The following ZFR variants were observed in gnomAD, a reference collection of about 807,000 sequenced individuals.
ZFR encodes the protein zinc finger RNA-binding protein.
Under a neutral mutation model 130.7 loss-of-function variants are expected in ZFR, and 19 were observed. That is an observed-to-expected ratio of 0.15 (90% CI 0.10 to 0.21). The LOEUF is 0.21. ZFR is among the 10% of genes least tolerant of loss of function. The probability of loss-of-function intolerance (pLI) is 1.00; values close to 1 mark genes in which losing one functional copy is unlikely to be tolerated. For synonymous variants in ZFR, 466 were observed against 456.9 expected (o/e 1.02, Z -0.25); for missense variants, 872 against 1,321.5 (o/e 0.66, Z 5.27).
At chr5:32,387,152 G>A (rs966754204) in intron 14 of ZFR, among the ~76,000 whole-genome samples, 4 of 151,648 alleles carry the variant, frequency 2.6e-5, no homozygotes, top group African/African-American at 9.7e-5. Context: ...TTTATTAAAA[G>A]CATTAAACTA....
At chr5:32,441,048 A>G (rs147206819) in intron 2 of ZFR, among the ~76,000 whole-genome samples, 2,157 of 152,252 alleles carry the variant, frequency 0.014, 50 homozygotes, top group African/African-American at 0.048. Context: ...ATCTTGGCTC[A>G]CTGCAACCTC....
chr5:32,384,370 A>T (rs1752992172), intron 15 of ZFR, among the ~76,000 whole-genome samples: 1 of 152,224 alleles, frequency 6.6e-6, no homozygotes, highest in Non-Finnish European at 1.5e-5. Context: ...TATAAATATC[A>T]TCTGATTATG....
intron 11 of ZFR, among the ~76,000 whole-genome samples, chr5:32,391,675 T>C (rs569740161): frequency 4.6e-5 from 7 of 152,274 alleles, no homozygotes; most frequent in Admixed American, 1.3e-4. Context: ...GTTTTACTAA[T>C]GTCATCTGTT....
At chr5:32,414,677 C>A (rs1753779964) in intron 5 of ZFR, among the ~76,000 whole-genome samples, 1 of 152,096 alleles carries the variant, frequency 6.6e-6, no homozygotes. Context: ...AGTAAACAAT[C>A]CTGTAGAAAA....
At position 32,397,252 on chromosome 5, in the gene ZFR, G is replaced by A. The variant is rs1183786115; in HGVS notation, c.1800C>T (p.His600=). 2 of 1,611,826 alleles carry A rather than the reference G, an allele frequency of 1.2e-6. No homozygotes were observed. Among genetic ancestry groups the A allele is most frequent in the Non-Finnish European group, 1.7e-6 (2 of 1,179,050 alleles). The change falls in exon 10 of 20, where the codon CAC becomes CAT. Residue 600 remains histidine, a synonymous_variant. Coordinates refer to ENST00000265069, the MANE Select transcript of ZFR (RefSeq NM_016107.5). ...GAAGTCTGTGTCTTCGCCCTTTTAAGTGCATCTCCTTAGCATTGGGATCAT... is the reference window on the plus strand; with the variant it reads ...GAAGTCTGTGTCTTCGCCCTTTTAAATGCATCTCCTTAGCATTGGGATCAT... The part of the protein sequence containing the change: ...SFNDPNAKEM[H]LKGRRHRLQY...
At chr5:32,404,691 C>T (rs564879067) in intron 6 of ZFR, among the ~76,000 whole-genome samples, 2 of 152,164 alleles carry the variant, frequency 1.3e-5, no homozygotes, top group East Asian at 3.8e-4. Flanking sequence ...TTACATTAGC[C>T]AATAAATAGT....
intron 19 of ZFR, among the ~76,000 whole-genome samples, chr5:32,362,978 G>T (rs113596500): frequency 0.019 from 2,849 of 152,194 alleles, 83 homozygotes; most frequent in African/African-American, 0.066. Context: ...TTCTTCCCTA[G>T]AATATAAAAT....
chr5:32,384,394 G>C (rs563677605), intron 15 of ZFR, among the ~76,000 whole-genome samples: 2 of 152,126 alleles, frequency 1.3e-5, no homozygotes, highest in Non-Finnish European at 2.9e-5. Context: ...TACATGCAAA[G>C]TATGTAAAAT....
intron 17 of ZFR, among the ~76,000 whole-genome samples, chr5:32,376,618 A>G (rs1752816810): frequency 6.8e-6 from 1 of 147,556 alleles, no homozygotes; most frequent in African/African-American, 2.5e-5. Flanking sequence ...AAAAAAAAAG[A>G]AAAAAAAAAG....
At chr5:32,393,643 G>A (rs1753231498) in intron 11 of ZFR, among the ~76,000 whole-genome samples, 1 of 152,130 alleles carries the variant, frequency 6.6e-6, no homozygotes, top group Non-Finnish European at 1.5e-5. Context: ...TGCCCGGCCA[G>A]TTTTAATTTT....
At chr5:32,403,882 G>T (rs775395076) in intron 7 of ZFR, 24 bp downstream of exon 7, 2 of 1,554,054 alleles carry the variant, frequency 1.3e-6, no homozygotes, top group Non-Finnish European at 1.7e-6. Context: ...AAGGCATAAG[G>T]GTGTGTGGGA....
At chr5:32,440,196 C>G (rs983984206) in intron 2 of ZFR, among the ~76,000 whole-genome samples, 2 of 152,192 alleles carry the variant, frequency 1.3e-5, no homozygotes, top group African/African-American at 2.4e-5. Flanking sequence ...ATCTACCTAA[C>G]CAAGTTCCCT....
intron 10 of ZFR, 56 bp downstream of exon 10, chr5:32,397,163 G>GTGTTTT: frequency 6.5e-7 from 1 of 1,549,180 alleles, no homozygotes; most frequent in Non-Finnish European, 8.7e-7. Flanking sequence ...AATGCTCTGG[G>GTGTTTT]TGTTTTTGTT....
intron 10 of ZFR, 148 bp from the exon 11 acceptor site, chr5:32,395,452 A>G: frequency 3.6e-6 from 2 of 554,346 alleles, no homozygotes; most frequent in South Asian, 6.0e-5. Context: ...TAATTAAGGT[A>G]AATCAGAGAA....
intron 4 of ZFR, among the ~76,000 whole-genome samples, chr5:32,416,416 G>A (rs1304908450): frequency 5.3e-5 from 8 of 152,016 alleles, no homozygotes; most frequent in Admixed American, 1.3e-4. Context: ...GGAGTTCAAG[G>A]CCAGCCCAAC....
chr5:32,419,779 A>G, intron 3 of ZFR, 42 bp downstream of exon 3: 1 of 1,539,386 alleles, frequency 6.5e-7, no homozygotes, highest in East Asian at 2.3e-5. Flanking sequence ...GAAGACAAAG[A>G]AACCCGCACA....
intron 3 of ZFR, among the ~76,000 whole-genome samples, chr5:32,419,216 G>A (rs1753899726): frequency 6.6e-6 from 1 of 152,162 alleles, no homozygotes; most frequent in Non-Finnish European, 1.5e-5. Context: ...AACAAACTTG[G>A]GGTAAACAAT....
intron 11 of ZFR, chr5:32,394,404 T>C (rs1165224671): frequency 1.8e-5 from 3 of 169,154 alleles, no homozygotes; most frequent in Non-Finnish European, 4.4e-5. Flanking sequence ...TCGCGGTTTA[T>C]ACCAAATGAA....
At chr5:32,395,717 G>A (rs1202537600) in intron 10 of ZFR, among the ~76,000 whole-genome samples, 4 of 152,096 alleles carry the variant, frequency 2.6e-5, no homozygotes, top group Non-Finnish European at 5.9e-5. Flanking sequence ...TGAAGATGAT[G>A]AGGATGAAGA....
Sources: allele counts gnomAD v4.1 joint callset (sites outside exome capture counted in the v4.1 genomes callset), GRCh38; gene constraint gnomAD v4.1.1; transcripts MANE v1.5; gene names NCBI Gene and HGNC (gene_info 2026-07-23, HGNC 2026-07-21).